Variants in PRDM1 observed in about 807,000 individuals in gnomAD.
PRDM1 encodes PR domain zinc finger protein 1.
PRDM1 carries 13 observed loss-of-function variants against 62.8 expected under a neutral mutation model. The observed-to-expected ratio is 0.21, with a 90% confidence interval of 0.13 to 0.33. PRDM1 has a LOEUF of 0.33. Among genes scored for constraint, PRDM1 ranks in the 10% least tolerant of loss-of-function variants. PRDM1 has a pLI of 1.00. For synonymous variants in PRDM1, 396 were observed against 417.6 expected, an observed-to-expected ratio of 0.95 and a Z score of 0.63; for missense variants, 895 against 1,058.8, an observed-to-expected ratio of 0.85 and a Z score of 2.15.
upstream of PRDM1, among the ~76,000 whole-genome samples, chr6:106,081,435 A>G (rs1773692335): frequency 1.3e-5 from 2 of 152,198 alleles, no homozygotes; most frequent in Admixed American, 1.3e-4. Flanking sequence ...CCAGGTTCAC[A>G]GTTCTATGTT....
intron 1 of PRDM1, among the ~76,000 whole-genome samples, chr6:105,996,373 C>T (rs1210666226): frequency 1.3e-5 from 2 of 152,024 alleles, no homozygotes; most frequent in Admixed American, 6.6e-5. Context: ...ATTGAATATA[C>T]AATGTTAAGA....
At chr6:106,069,433 G>A (rs1454854498) in intron 1 of PRDM1, among the ~76,000 whole-genome samples, 1 of 152,194 alleles carries the variant, frequency 6.6e-6, no homozygotes, top group African/African-American at 2.4e-5. Flanking sequence ...TTAGCACTTA[G>A]GGAAGATATA....
At chr6:106,048,897 C>T (rs933410453) in intron 1 of PRDM1, among the ~76,000 whole-genome samples, 3 of 151,872 alleles carry the variant, frequency 2.0e-5, no homozygotes, top group Non-Finnish European at 4.4e-5. Flanking sequence ...GGCGTGATCT[C>T]GGCTCACTGC....
chr6:106,053,553 A>G (rs889066179), intron 1 of PRDM1, among the ~76,000 whole-genome samples: 1 of 152,250 alleles, frequency 6.6e-6, no homozygotes, highest in African/African-American at 2.4e-5. Flanking sequence ...TGTATCCATT[A>G]TGTATTCTAA....
chr6:106,049,596 C>G (rs1773137997), intron 1 of PRDM1, among the ~76,000 whole-genome samples: 1 of 152,154 alleles, frequency 6.6e-6, no homozygotes, highest in Non-Finnish European at 1.5e-5. Context: ...GCCCTGGTTC[C>G]CCTGTCCTCC....
At chr6:106,093,879 CTTATG>C (rs763676150) in intron 2 of PRDM1, among the ~76,000 whole-genome samples, 3 of 152,106 alleles carry the variant, frequency 2.0e-5, no homozygotes, top group African/African-American at 4.8e-5. Context: ...CTTGTTTCAA[CTTATG>C]TTAGGTGTAG....
chr6:106,082,454 G>A (rs1773708450), upstream of PRDM1, among the ~76,000 whole-genome samples: 1 of 152,108 alleles, frequency 6.6e-6, no homozygotes. Context: ...CTGAACTAAA[G>A]GAATAGTTTA....
intron 1 of PRDM1, among the ~76,000 whole-genome samples, chr6:105,999,954 C>G (rs1447919136): frequency 6.6e-6 from 1 of 152,046 alleles, no homozygotes; most frequent in Non-Finnish European, 1.5e-5. Flanking sequence ...CCTGGGTTCA[C>G]GCCATTCTCC....
At chr6:106,064,538 G>A (rs916979038) in intron 1 of PRDM1, among the ~76,000 whole-genome samples, 2 of 152,210 alleles carry the variant, frequency 1.3e-5, no homozygotes, top group African/African-American at 4.8e-5. Flanking sequence ...GGGAAGCAGT[G>A]CAAGAATGAG....
rs982009362 is a variant in PRDM1, at chr6:106,006,253, C to T, written c.-67+12614C>T. On this transcript the variant is annotated intron_variant, in intron 1 of 6. Transcript: ENST00000652320. ...GATGACTTCTTTTTTCTTTTTCCTCCCTTATATGGATGGTAGGACTGACTT... is the reference window on the plus strand; with the variant it reads ...GATGACTTCTTTTTTCTTTTTCCTCTCTTATATGGATGGTAGGACTGACTT... Among the ~76,000 whole-genome samples the T allele has an allele frequency of 3.9e-5, 6 of 152,220 alleles. No individual in the cohort carries two copies. In the East Asian group the frequency reaches 1.2e-3, roughly 29 times the overall value.
At position 106,105,879 on chromosome 6, in the gene PRDM1, C is replaced by A. The variant is rs925495833; in HGVS notation, c.1719C>A (p.Ile573=). ...PYPLKKQNGK[I]KYECNVCAKT... is the part of the protein sequence containing the mutation. ...CGCTGAAGAAGCAGAACGGCAAGAT[C>A]AAGTACGAATGCAACGTTTGCGCCA... Residue 573 remains isoleucine (I), a synonymous_variant, in exon 5 of 7, where the codon ATC becomes ATA. Transcript: ENST00000369096. 6.2e-7 allele frequency: 1 copy of A among 1,614,116 alleles called. No homozygotes were observed. Among genetic ancestry groups the A allele is most frequent in the Non-Finnish European group, 8.5e-7 (1 of 1,180,006 alleles).
intron 1 of PRDM1, among the ~76,000 whole-genome samples, chr6:106,055,253 C>G (rs1773244083): frequency 6.6e-6 from 1 of 152,072 alleles, no homozygotes; most frequent in African/African-American, 2.4e-5. Flanking sequence ...TTTGATGAAG[C>G]AAAAAGTAGA....
intron 2 of PRDM1, among the ~76,000 whole-genome samples, chr6:106,091,133 A>G (rs1773948979): frequency 6.6e-6 from 1 of 152,180 alleles, no homozygotes; most frequent in Non-Finnish European, 1.5e-5. Flanking sequence ...TGACTACAGA[A>G]AAATCAGTTC....
rs745456432 is a variant in PRDM1, at chr6:106,106,596, C to A, written c.1902+97C>A. On this transcript the variant is annotated intron_variant, in intron 6 of 6. Coordinates refer to ENST00000369096, the MANE Select transcript of PRDM1 (RefSeq NM_001198.4). The surrounding 1 kb of genome is among the most constrained non-coding windows in gnomAD (Gnocchi z 4.4). ...ATATAGCCCGTAGTTAAAGCCAACA[C>A]CAGATTCTGCGTTGTCCCATCCTGG... is the stretch of plus-strand genomic sequence containing the variant. 1 of 1,505,968 alleles carries A rather than the reference C, an allele frequency of 6.6e-7. No individual in the cohort carries two copies. Among genetic ancestry groups the A allele is most frequent in the Non-Finnish European group, 9.0e-7 (1 of 1,109,922 alleles). 93.3% of individuals were successfully genotyped at this position (1,505,968 alleles called of 1,614,324 possible).
At chr6:106,030,233 A>G (rs1413073097) in intron 1 of PRDM1, among the ~76,000 whole-genome samples, 1 of 152,158 alleles carries the variant, frequency 6.6e-6, no homozygotes, top group Non-Finnish European at 1.5e-5. Context: ...CAGTAGCACT[A>G]TCATAGCTCA....
chr6:106,096,802 A>G (rs1425388417), intron 3 of PRDM1, among the ~76,000 whole-genome samples: 2 of 152,206 alleles, frequency 1.3e-5, no homozygotes, highest in Non-Finnish European at 2.9e-5. Context: ...CCTTCTTCCC[A>G]TAGATGTCTC....
intron 1 of PRDM1, among the ~76,000 whole-genome samples, chr6:106,005,892 C>G (rs11152950): frequency 0.83 from 126,220 of 152,198 alleles, 52,333 homozygotes; most frequent in South Asian, 0.9. Flanking sequence ...TATCCTTCAG[C>G]CTTGTGATCC....
intron 1 of PRDM1, among the ~76,000 whole-genome samples, chr6:106,051,576 G>C (rs1773175414): frequency 6.6e-6 from 1 of 152,148 alleles, no homozygotes. Flanking sequence ...TAACTGACCC[G>C]TTGTCTGAGC....
chr6:106,085,183 T>G (rs1773767854), upstream of PRDM1, among the ~76,000 whole-genome samples: 2 of 152,022 alleles, frequency 1.3e-5, no homozygotes, highest in Non-Finnish European at 2.9e-5. Context: ...TGGAACTGGG[T>G]GTGTGTATGT....
Sources: gnomAD v4.1 joint callset for allele counts (sites outside exome capture counted in the v4.1 genomes callset) on GRCh38, gnomAD v4.1.1 for gene constraint, Gnocchi (gnomAD v3.1) non-coding constraint, MANE v1.5 for transcripts, NCBI Gene and HGNC (gene_info 2026-07-23, HGNC 2026-07-21) for gene names.